Variants in GBE1 observed in about 807,000 individuals in gnomAD.
The protein encoded by GBE1 is 1,4-alpha-glucan branching enzyme 1.
Under a neutral mutation model 88.8 loss-of-function variants are expected in GBE1, and 70 were observed. The observed-to-expected ratio is 0.79, with a 90% confidence interval of 0.65 to 0.96. The LOEUF (loss-of-function observed/expected upper bound fraction) is 0.96, where lower values mean the gene tolerates loss of function less well. Ranked by LOEUF, GBE1 falls within the 40% of genes least tolerant of loss-of-function variation. The pLI is 0.00. For missense variants in GBE1, 872 were observed against 871.0 expected, an observed-to-expected ratio of 1.00 and a Z score of -0.01; for synonymous variants, 284 against 300.1, an observed-to-expected ratio of 0.95 and a Z score of 0.56.
intron 3 of GBE1, among the ~76,000 whole-genome samples, chr3:81,662,240 C>A (rs1416670090): frequency 6.6e-6 from 1 of 152,178 alleles, no homozygotes; most frequent in Non-Finnish European, 1.5e-5. Context: ...CTATGTTGGT[C>A]AGGCTGATCT....
intron 12 of GBE1, among the ~76,000 whole-genome samples, chr3:81,556,532 C>T (rs1427345823): frequency 2.0e-5 from 3 of 151,986 alleles, no homozygotes; most frequent in Admixed American, 2.0e-4. Flanking sequence ...TGACAGATGT[C>T]AAGACTCATG....
chr3:81,624,965 G>A (rs1285689685), intron 7 of GBE1, among the ~76,000 whole-genome samples: 1 of 152,046 alleles, frequency 6.6e-6, no homozygotes, highest in East Asian at 1.9e-4. Flanking sequence ...CAGCATAGCA[G>A]GGAAAAGAGC....
Position 81,759,794 on chromosome 3 carries a change from A to T in GBE1, c.143+1581T>A, listed in dbSNP as rs374575612. On this transcript the variant is annotated intron_variant, in intron 1 of 15. Coordinates refer to ENST00000429644, the MANE Select transcript of GBE1 (RefSeq NM_000158.4). ...CTTCAATCCCAGTGGAGTTGGAAAT[A>T]AAGTACATGAAAGAAACACTTAATA... 1.9e-3 allele frequency among the ~76,000 whole-genome samples: 295 copies of T among 152,330 alleles called. 2 individuals carry two copies. The highest frequency in any genetic ancestry group is 4.5e-3 in the Admixed American group (69 of 15,308).
At chr3:81,663,241 G>T (rs569367763) in intron 3 of GBE1, among the ~76,000 whole-genome samples, 1 of 152,112 alleles carries the variant, frequency 6.6e-6, no homozygotes, top group Non-Finnish European at 1.5e-5. Context: ...ACCCTGGCCC[G>T]CCAGGAACCA....
At chr3:81,728,529 T>C (rs2594547) in intron 1 of GBE1, among the ~76,000 whole-genome samples, 95,253 of 151,998 alleles carry the variant, frequency 0.63, 31,202 homozygotes, top group East Asian at 0.94. Flanking sequence ...ACAGTAAATG[T>C]GGCTAGCAGT....
chr3:81,705,489 C>T lies in GBE1; in HGVS notation c.268G>A (p.Glu90Lys). The T allele has an allele frequency of 1.2e-6, 2 of 1,602,568 alleles. No homozygotes were observed. Among genetic ancestry groups the T allele is most frequent in the Non-Finnish European group, 1.7e-6 (2 of 1,174,814 alleles). ...ACTCCTTCTGCTCCCGGGGCCCATTCTTTGCAGTATAAACCACCATCAGCA... is the reference window on the plus strand; with the variant it reads ...ACTCCTTCTGCTCCCGGGGCCCATTTTTTGCAGTATAAACCACCATCAGCA... ...RCADGGLYCK[E>K]WAPGAEGVFL... Residue 90 changes from glutamate (E) to lysine (K), a missense_variant, in exon 2 of 16, where the codon GAA (glutamate) becomes AAA (lysine). By Grantham distance (56) the Glu-to-Lys change is moderately conservative. Transcript: ENST00000429644.
intron 2 of GBE1, among the ~76,000 whole-genome samples, chr3:81,691,246 T>C (rs1312895029): frequency 3.3e-5 from 5 of 152,206 alleles, no homozygotes; most frequent in Non-Finnish European, 5.9e-5. Flanking sequence ...TTAATGATAA[T>C]ATATTTACAG....
At chr3:81,682,822 A>G (rs1392999853) in intron 2 of GBE1, among the ~76,000 whole-genome samples, 6 of 152,252 alleles carry the variant, frequency 3.9e-5, no homozygotes. Flanking sequence ...AGAATTACTC[A>G]TAATAGTCAA....
chr3:81,632,950 C>T (rs1378258339), intron 7 of GBE1, among the ~76,000 whole-genome samples: 1 of 152,088 alleles, frequency 6.6e-6, no homozygotes, highest in Admixed American at 6.6e-5. Flanking sequence ...TCTCTTTCTT[C>T]CATTGTTTTT....
At chr3:81,621,397 C>T (rs1458785864) in intron 7 of GBE1, among the ~76,000 whole-genome samples, 3 of 152,070 alleles carry the variant, frequency 2.0e-5, no homozygotes, top group Non-Finnish European at 2.9e-5. Context: ...AATGGAGAAA[C>T]ACCATTGTCA....
chr3:81,530,038 A>G (rs1390596885), intron 14 of GBE1, among the ~76,000 whole-genome samples: 1 of 151,034 alleles, frequency 6.6e-6, no homozygotes. Flanking sequence ...TGTCTTTTCT[A>G]TGCATTTTCA....
intron 3 of GBE1, among the ~76,000 whole-genome samples, chr3:81,653,105 T>C (rs1447334017): frequency 6.6e-6 from 1 of 152,116 alleles, no homozygotes; most frequent in Non-Finnish European, 1.5e-5. Context: ...ACACTGCTAG[T>C]GTGAGTATAA....
intron 5 of GBE1, 38 bp downstream of exon 5, chr3:81,648,818 A>G: frequency 1.6e-6 from 2 of 1,290,116 alleles, no homozygotes; most frequent in Non-Finnish European, 2.1e-6. Flanking sequence ...CAGACTCATT[A>G]AAATTTTATC....
chr3:81,641,376 C>CA (rs1351304729), intron 7 of GBE1, among the ~76,000 whole-genome samples: 1 of 151,962 alleles, frequency 6.6e-6, no homozygotes, highest in Non-Finnish European at 1.5e-5. Flanking sequence ...AAAGTAAGGG[C>CA]AAAAACCACA....
At chr3:81,746,893 G>A (rs566192110) in intron 1 of GBE1, among the ~76,000 whole-genome samples, 85 of 152,166 alleles carry the variant, frequency 5.6e-4, no homozygotes, top group African/African-American at 1.9e-3. Context: ...CCATGCTTTC[G>A]ATAACCTATA....
chr3:81,639,120 C>T (rs1373836777), intron 7 of GBE1, among the ~76,000 whole-genome samples: 1 of 151,934 alleles, frequency 6.6e-6, no homozygotes, highest in East Asian at 1.9e-4. Flanking sequence ...AAGGAACAAA[C>T]TCAAAATTAC....
At chr3:81,657,736 T>C (rs1472072960) in intron 3 of GBE1, among the ~76,000 whole-genome samples, 1 of 152,176 alleles carries the variant, frequency 6.6e-6, no homozygotes, top group Admixed American at 6.5e-5. Context: ...GTTAATTTTA[T>C]CTGGATAATA....
At chr3:81,630,272 T>C (rs1426591146) in intron 7 of GBE1, among the ~76,000 whole-genome samples, 1 of 151,978 alleles carries the variant, frequency 6.6e-6, no homozygotes, top group Non-Finnish European at 1.5e-5. Context: ...TAAAAGAGGA[T>C]ACAAACAAAT....
At chr3:81,594,944 C>T (rs189623020) in intron 7 of GBE1, among the ~76,000 whole-genome samples, 1 of 151,618 alleles carries the variant, frequency 6.6e-6, no homozygotes, top group Non-Finnish European at 1.5e-5. Flanking sequence ...CAAATCTTTA[C>T]CCCAGTCGAA....
Sources: gnomAD v4.1 joint callset for allele counts (sites outside exome capture counted in the v4.1 genomes callset) on GRCh38, gnomAD v4.1.1 for gene constraint, MANE v1.5 for transcripts, NCBI Gene and HGNC (gene_info 2026-07-23, HGNC 2026-07-21) for gene names.